CFAP73: variants seen among roughly 807,000 people sequenced by gnomAD.
CFAP73 encodes cilia- and flagella-associated protein 73.
A neutral mutation model predicts 42.9 loss-of-function variants in CFAP73; 33 were observed. The observed-to-expected ratio is 0.77, with a 90% confidence interval of 0.58 to 1.03. The LOEUF (loss-of-function observed/expected upper bound fraction) is 1.03. Among genes scored for constraint, CFAP73 ranks in the 50% least tolerant of loss-of-function variants. The pLI, the probability that CFAP73 is intolerant of heterozygous loss-of-function variation, is 0.00. For missense variants in CFAP73, 392 were observed against 411.9 expected (o/e 0.95, Z 0.42); for synonymous variants, 162 against 186.8 (o/e 0.87, Z 1.08).
At chr12:113,156,005 G>A (rs1952120587) in intron 6 of CFAP73, among the ~76,000 whole-genome samples, 1 of 150,214 alleles carries the variant, frequency 6.7e-6, no homozygotes, top group Admixed American at 6.7e-5. Flanking sequence ...TCGGCTCACT[G>A]CAACCTCTGC....
chr12:113,154,367 A>G lies in CFAP73; in HGVS notation c.469-47A>G. On this transcript the variant is annotated intron_variant, in intron 4 of 7. Transcript: ENST00000335621. This position sits in a 1 kb window ranked among gnomAD's most constrained non-coding sequence, Gnocchi z 4.7. Reference sequence around the variant, plus strand: ...GGCGGCCAGGTGGGATGGAGAGGGTAAGGCACTGCAGGCCCATGTGAGTCC... The same window carrying G: ...GGCGGCCAGGTGGGATGGAGAGGGTGAGGCACTGCAGGCCCATGTGAGTCC... 6.5e-7 allele frequency: 1 copy of G among 1,539,414 alleles called. No individual in the cohort carries two copies. The highest frequency in any genetic ancestry group is 8.8e-7 in the Non-Finnish European group (1 of 1,139,056).
rs200188887 is a variant in CFAP73, at chr12:113,155,343, G to A, written c.774G>A (p.Leu258=). The A allele has an allele frequency of 5.2e-6, 8 of 1,551,522 alleles. No individual in the cohort carries two copies. Among genetic ancestry groups the A allele is most frequent in the Non-Finnish European group, 7.0e-6 (8 of 1,146,828 alleles). ...LGRSRMAVLN[L]FQLVCQHQGQ... is the part of the protein sequence containing the mutation. ...GCAGCAGGATGGCTGTGCTCAACCT[G>A]TTCCAGCTAGTGTGCCAGCATCAGG... The change falls in exon 6 of 8, where the codon CTG becomes CTA. Residue 258 remains leucine (L), a synonymous_variant. Coordinates refer to ENST00000335621, the MANE Select transcript of CFAP73 (RefSeq NM_001144872.3).
At position 113,153,389 on chromosome 12, in the gene CFAP73, C is replaced by A. The variant is rs1011406759; in HGVS notation, c.449C>A (p.Ala150Glu). The change falls in exon 4 of 8, where the codon GCG becomes GAG. Residue 150 changes from alanine to glutamate, a missense_variant. Transcript: ENST00000335621. ...LEPCARLLEQALELLPGFQEV... is the reference protein window; with the variant it reads ...LEPCARLLEQELELLPGFQEV... The stretch of plus-strand genomic sequence containing the variant: ...CCCTGCGCGCGCCTGCTGGAGCAAG[C>A]GCTGGAGCTGCTGCCCGGGGTGAGT... 6.9e-6 allele frequency: 10 copies of A among 1,450,548 alleles called. No individual in the cohort carries two copies. The East Asian group carries it at 1.1e-4, about 16-fold the overall frequency. The allele number at this position is 1,450,548 out of a possible 1,614,324, so 89.9% of individuals were successfully genotyped here.
Position 113,159,065 on chromosome 12 carries a change from G to A in CFAP73, c.*376G>A, listed in dbSNP as rs555973147. On this transcript the variant is annotated 3_prime_UTR_variant, in exon 8 of 8. Transcript: ENST00000335621. ...TGCTGCTTGGTCTTGAGTTCCGGGC[G>A]GACTCGGCCTGCAGGGGTGCCTGGG... The A allele has an allele frequency of 1.3e-5, 21 of 1,608,810 alleles. No homozygotes were observed. The highest frequency in any genetic ancestry group is 3.3e-4 in the Middle Eastern group (2 of 5,998).
chr12:113,150,622 C>T (rs1952053306), intron 1 of CFAP73, among the ~76,000 whole-genome samples: 2 of 152,164 alleles, frequency 1.3e-5, no homozygotes, highest in South Asian at 4.1e-4. Flanking sequence ...CAGAACCACA[C>T]TATCTCTGGA....
chr12:113,156,312 G>A (rs946535946), intron 6 of CFAP73, among the ~76,000 whole-genome samples: 1 of 151,990 alleles, frequency 6.6e-6, no homozygotes, highest in African/African-American at 2.4e-5. Flanking sequence ...TTTGAGAACT[G>A]GAGGAAAAGT....
At chr12:113,151,262 A>G (rs1952058910) in intron 1 of CFAP73, among the ~76,000 whole-genome samples, 2 of 152,182 alleles carry the variant, frequency 1.3e-5, no homozygotes, top group Non-Finnish European at 2.9e-5. Flanking sequence ...TGGGTAGATC[A>G]CATGAGGTCA....
intron 6 of CFAP73, chr12:113,156,816 C>T (rs768269639): frequency 6.6e-6 from 1 of 152,110 alleles, no homozygotes; most frequent in Non-Finnish European, 1.5e-5. Context: ...AATCTGTAAC[C>T]GGTTGTAATT....
At chr12:113,155,189 G>T in intron 5 of CFAP73, 71 bp from the exon 6 acceptor site, 4 of 1,222,422 alleles carry the variant, frequency 3.3e-6, no homozygotes, top group South Asian at 1.7e-5. Flanking sequence ...AAAAAAAAAA[G>T]TGGCTGGGAA....
At chr12:113,157,553 G>A in intron 6 of CFAP73, 49 bp from the exon 7 acceptor site, 1 of 1,503,780 alleles carries the variant, frequency 6.6e-7, no homozygotes. Flanking sequence ...GGTGGGGGCT[G>A]GACAGTGACT....
chr12:113,157,329 G>T (rs938031868), intron 6 of CFAP73: 2 of 485,690 alleles, frequency 4.1e-6, no homozygotes, highest in Non-Finnish European at 7.4e-6. Context: ...TGATGTAAAT[G>T]AAAATACTAA....
chr12:113,158,858 C>T lies in CFAP73; in HGVS notation c.*169C>T, dbSNP rs375126560. ...CACCCTAAGGCCAATCAAGGAGCCA[C>T]GGGGCTGGGTCCTGGTCCTCACATC... On this transcript the variant is annotated 3_prime_UTR_variant, in exon 8 of 8. Transcript: ENST00000335621. This position sits in a 1 kb window ranked among gnomAD's most constrained non-coding sequence, Gnocchi z 4.9. 3.2e-5 allele frequency: 51 copies of T among 1,572,850 alleles called. No individual in the cohort carries two copies. Among genetic ancestry groups the T allele is most frequent in the East Asian group, 2.3e-4 (10 of 44,132 alleles).
chr12:113,157,470 C>A, intron 6 of CFAP73, 132 bp from the exon 7 acceptor site: 1 of 724,374 alleles, frequency 1.4e-6, no homozygotes, highest in Non-Finnish European at 2.3e-6. Context: ...TGGGAACCAC[C>A]ATCATCACTG....
At chr12:113,153,114 T>G in intron 3 of CFAP73, 94 bp from the exon 4 acceptor site, 8 of 1,331,152 alleles carry the variant, frequency 6.0e-6, no homozygotes, top group Non-Finnish European at 7.9e-6. Context: ...CCGCCCCTGG[T>G]TTTGCGAGCG....
In CFAP73 at chr12:113,151,088, G is replaced by A. The variant is rs144978385; in HGVS notation, c.57-830G>A. Among the ~76,000 whole-genome samples the A allele has an allele frequency of 1.2e-3, 186 of 152,170 alleles. 1 individual carries two copies. The highest frequency in any genetic ancestry group is 4.0e-3 in the African/African-American group (164 of 41,500). ...GGCTCCCAGAACAATGCAAGTTCAC[G>A]AGGGAACAGGGATTTTTGTCTGTCC... On this transcript the variant is annotated intron_variant, in intron 1 of 7. Transcript: ENST00000335621.
At position 113,154,445 on chromosome 12, in the gene CFAP73, T is replaced by C; in HGVS notation, c.500T>C (p.Phe167Ser). 1 of 1,547,282 alleles carries C rather than the reference T, an allele frequency of 6.5e-7. No individual in the cohort carries two copies. The highest frequency in any genetic ancestry group is 8.7e-7 in the Non-Finnish European group (1 of 1,145,768). The change falls in exon 5 of 8, where the codon TTC (phenylalanine) becomes TCC (serine). Residue 167 changes from phenylalanine to serine, a missense_variant. Physicochemically the swap from Phe to Ser is radical, Grantham distance 155. Coordinates refer to ENST00000335621, the MANE Select transcript of CFAP73 (RefSeq NM_001144872.3). The surrounding 1 kb of genome is among the most constrained non-coding windows in gnomAD (Gnocchi z 4.7). ...GAGGTTCCGGAGCTGGTGGCGCGCT[T>C]CGACGGCCTGGCCGAGACGCAGGCG... ...FQEVPELVARFDGLAETQAAL... is the reference protein window; with the variant it reads ...FQEVPELVARSDGLAETQAAL...
In CFAP73 at chr12:113,154,781, C is replaced by A. The variant is rs1044863104; in HGVS notation, c.690+146C>A. On this transcript the variant is annotated intron_variant, in intron 5 of 7. Transcript: ENST00000335621. This position sits in a 1 kb window ranked among gnomAD's most constrained non-coding sequence, Gnocchi z 4.7. ...TAAGGAGGGGAATCTCAGGCATCAC[C>A]GAGCCGTTTCGGGCATGAGGCCCCG... The A allele has an allele frequency of 3.8e-6, 5 of 1,319,574 alleles. No homozygotes were observed. The highest frequency in any genetic ancestry group is 3.9e-6 in the Non-Finnish European group (4 of 1,037,450). 81.7% of individuals were successfully genotyped at this position (1,319,574 alleles called of 1,614,324 possible).
At chr12:113,152,944 A>T in intron 3 of CFAP73, 57 bp downstream of exon 3, 1 of 1,199,968 alleles carries the variant, frequency 8.3e-7, no homozygotes, top group South Asian at 1.3e-5. Flanking sequence ...CCACACTCCT[A>T]TAGGGGCCCG....
chr12:113,159,213 T>C lies in CFAP73; in HGVS notation c.*524T>C, dbSNP rs1475290444. The C allele has an allele frequency of 8.0e-7, 1 of 1,253,352 alleles. No individual in the cohort carries two copies. The highest frequency in any genetic ancestry group is 2.3e-5 in the Admixed American group (1 of 42,612). 77.6% of individuals were successfully genotyped at this position (1,253,352 alleles called of 1,614,324 possible). A position where few individuals can be genotyped will look rare whatever the true frequency, so the allele number is the denominator to read the frequency against. Reference sequence around the variant, plus strand: ...CTCCCCTGCCCCTACTCCTGTTCTGTGCTTATTGCTGTGGCCCAGTGTCTG... The same window carrying C: ...CTCCCCTGCCCCTACTCCTGTTCTGCGCTTATTGCTGTGGCCCAGTGTCTG... On this transcript the variant is annotated 3_prime_UTR_variant, in exon 8 of 8. Transcript: ENST00000335621.
Sources: gnomAD v4.1 joint callset for allele counts (sites outside exome capture counted in the v4.1 genomes callset) on GRCh38, gnomAD v4.1.1 for gene constraint, Gnocchi (gnomAD v3.1) non-coding constraint, MANE v1.5 for transcripts, NCBI Gene and HGNC (gene_info 2026-07-23, HGNC 2026-07-21) for gene names.